The following FRMD3 variants were observed in gnomAD, a reference collection of about 807,000 sequenced individuals.
FRMD3 encodes FERM domain-containing protein 3.
FRMD3 carries 33 observed loss-of-function variants against 70.2 expected under a neutral mutation model. The ratio of observed to expected loss-of-function variants is 0.47; its 90% CI spans 0.36 to 0.63. The LOEUF (loss-of-function observed/expected upper bound fraction) is 0.63, where lower values mean the gene tolerates loss of function less well. Ranked by LOEUF, FRMD3 falls within the 20% of genes least tolerant of loss-of-function variation. FRMD3 has a pLI of 0.00. For missense variants in FRMD3, 632 were observed against 711.4 expected, an observed-to-expected ratio of 0.89 and a Z score of 1.27; for synonymous variants, 279 against 255.9, an observed-to-expected ratio of 1.09 and a Z score of -0.86.
intron 1 of FRMD3, among the ~76,000 whole-genome samples, chr9:83,509,715 T>C (rs914708393): frequency 1.3e-5 from 2 of 152,184 alleles, no homozygotes; most frequent in Non-Finnish European, 2.9e-5. Flanking sequence ...CTCTTGGCAT[T>C]GCTTCTTACT....
intron 1 of FRMD3, among the ~76,000 whole-genome samples, chr9:83,441,547 T>G (rs1407595892): frequency 6.6e-6 from 1 of 152,174 alleles, no homozygotes; most frequent in African/African-American, 2.4e-5. Flanking sequence ...CCAGCCAGAA[T>G]GATCATAATC....
chr9:83,458,000 CAAAAAAAAAAAAA>C (rs10555580), intron 1 of FRMD3, among the ~76,000 whole-genome samples: 1 of 87,944 alleles, frequency 1.1e-5, no homozygotes, highest in African/African-American at 4.4e-5. Context: ...TATTACCTCT[CAAAAAAAAAAAAA>C]AAAAAAAAAC....
chr9:83,360,393 A>G (rs1824543354), intron 3 of FRMD3, among the ~76,000 whole-genome samples: 1 of 152,226 alleles, frequency 6.6e-6, no homozygotes, highest in South Asian at 2.1e-4. Flanking sequence ...GGAGACATGA[A>G]CAAAGCCTTC....
Position 83,411,744 on chromosome 9 carries a change from C to T in FRMD3, c.148-22036G>A, listed in dbSNP as rs192644839. Among the ~76,000 whole-genome samples the T allele has an allele frequency of 3.8e-3, 583 of 152,274 alleles. 8 individuals carry two copies. The highest frequency in any genetic ancestry group is 0.014 in the Middle Eastern group (4 of 294). On this transcript the variant is annotated intron_variant, in intron 1 of 13. Coordinates refer to ENST00000304195, the MANE Select transcript of FRMD3 (RefSeq NM_174938.6). ...ACTATTATATATTATTTCATCTCAT[C>T]GAAAAGGACTGAAAATTTTTGAAGT... is the stretch of plus-strand genomic sequence containing the variant.
chr9:83,353,594 G>A (rs563366968), intron 3 of FRMD3, among the ~76,000 whole-genome samples: 8 of 152,314 alleles, frequency 5.3e-5, no homozygotes, highest in Non-Finnish European at 1.2e-4. Flanking sequence ...TGAGGCAGAT[G>A]TCTAGAGGAA....
intron 1 of FRMD3, among the ~76,000 whole-genome samples, chr9:83,396,118 A>T (rs1825805047): frequency 6.6e-6 from 1 of 152,208 alleles, no homozygotes; most frequent in Non-Finnish European, 1.5e-5. Flanking sequence ...AGGGCTGTCA[A>T]ACCGAGGTCT....
At chr9:83,343,927 G>A (rs752470837) in intron 4 of FRMD3, among the ~76,000 whole-genome samples, 4 of 152,240 alleles carry the variant, frequency 2.6e-5, no homozygotes, top group Non-Finnish European at 5.9e-5. Context: ...GGTGCAAGAA[G>A]TGCTGGAAGC....
At chr9:83,504,438 A>G (rs559120133) in intron 1 of FRMD3, among the ~76,000 whole-genome samples, 112 of 152,246 alleles carry the variant, frequency 7.4e-4, no homozygotes, top group Non-Finnish European at 1.3e-3. Context: ...CAAGTGACCT[A>G]TAAGACCCTC....
chr9:83,283,344 C>T (rs1322144033), intron 13 of FRMD3, among the ~76,000 whole-genome samples: 14 of 152,034 alleles, frequency 9.2e-5, no homozygotes, highest in African/African-American at 3.1e-4. Flanking sequence ...TCCTGGCTAA[C>T]ATGGTGAAAC....
intron 1 of FRMD3, among the ~76,000 whole-genome samples, chr9:83,477,271 G>A (rs1828423340): frequency 6.6e-6 from 1 of 152,156 alleles, no homozygotes; most frequent in African/African-American, 2.4e-5. Flanking sequence ...CTGAATGAGT[G>A]GAGAGAGATG....
At chr9:83,330,062 G>A (rs1459099267) in intron 6 of FRMD3, among the ~76,000 whole-genome samples, 1 of 152,030 alleles carries the variant, frequency 6.6e-6, no homozygotes, top group African/African-American at 2.4e-5. Context: ...AAACCAAGAG[G>A]GACAAAAAGA....
chr9:83,573,519 C>T, the FRMD3 span, among the ~76,000 whole-genome samples: 3 of 152,038 alleles, frequency 2.0e-5, no homozygotes, highest in Non-Finnish European at 2.9e-5. Flanking sequence ...ATCGCAAAAA[C>T]CTAATGGCAA....
At chr9:83,392,336 C>T (rs552978398) in intron 1 of FRMD3, among the ~76,000 whole-genome samples, 28 of 152,170 alleles carry the variant, frequency 1.8e-4, no homozygotes, top group Admixed American at 3.9e-4. Flanking sequence ...GTCTGTAAGC[C>T]ATTTAAGTTC....
intron 2 of FRMD3, among the ~76,000 whole-genome samples, chr9:83,387,015 T>C (rs1269888184): frequency 2.0e-5 from 3 of 152,166 alleles, no homozygotes; most frequent in African/African-American, 7.2e-5. Context: ...TTAATCTTGG[T>C]ATCTTGGTTA....
Position 83,538,022 on chromosome 9 carries a change from C to A in FRMD3, c.147+63G>T. On this transcript the variant is annotated intron_variant, in intron 1 of 13. Transcript: ENST00000304195. The surrounding 1 kb of genome is among the most constrained non-coding windows in gnomAD (Gnocchi z 4.7). Reference sequence around the variant, plus strand: ...GGGTTCCTTGTTCTCGCATGCCCACCGCAAAGGCCCCCCGCCCTGCTCCCG... The same window carrying A: ...GGGTTCCTTGTTCTCGCATGCCCACAGCAAAGGCCCCCCGCCCTGCTCCCG... 3 of 1,579,028 alleles carry A rather than the reference C, an allele frequency of 1.9e-6. No homozygotes were observed. Among genetic ancestry groups the A allele is most frequent in the South Asian group, 1.1e-5 (1 of 87,896 alleles).
chr9:83,258,865 C>T (rs553220057), intron 13 of FRMD3, among the ~76,000 whole-genome samples: 107 of 152,308 alleles, frequency 7.0e-4, no homozygotes, highest in African/African-American at 2.5e-3. Context: ...GGCTAGGAGG[C>T]TTTGGTGGGT....
downstream of FRMD3, among the ~76,000 whole-genome samples, chr9:83,244,083 G>A (rs142878653): frequency 1.6e-4 from 25 of 151,858 alleles, no homozygotes; most frequent in African/African-American, 5.3e-4. Context: ...AGCCGTGATC[G>A]TGCCATTGCA....
At chr9:83,479,660 GA>G in intron 1 of FRMD3, among the ~76,000 whole-genome samples, 1 of 53,392 alleles carries the variant, frequency 1.9e-5, no homozygotes, top group African/African-American at 1.1e-4. Context: ...AGGAAGGAAG[GA>G]AGGAAGGAAG....
intron 1 of FRMD3, among the ~76,000 whole-genome samples, chr9:83,470,257 C>T (rs887570492): frequency 3.9e-5 from 6 of 152,130 alleles, no homozygotes; most frequent in African/African-American, 1.4e-4. Context: ...TGGACCTCAC[C>T]CCACTGCACT....
Sources: allele counts gnomAD v4.1 joint callset (sites outside exome capture counted in the v4.1 genomes callset), GRCh38; gene constraint gnomAD v4.1.1; non-coding constraint Gnocchi (gnomAD v3.1); transcripts MANE v1.5; gene names NCBI Gene and HGNC (gene_info 2026-07-23, HGNC 2026-07-21).